Variants in SLC6A8 observed in about 807,000 individuals in gnomAD.
SLC6A8 encodes sodium- and chloride-dependent creatine transporter 1.
In SLC6A8, 6 loss-of-function variants were observed where a neutral mutation model predicts 48.3. The observed-to-expected ratio is 0.12, with a 90% CI of 0.07 to 0.25. The LOEUF is 0.25. Ranked by LOEUF, SLC6A8 falls within the 10% of genes least tolerant of loss-of-function variation. The pLI, the probability that SLC6A8 is intolerant of heterozygous loss-of-function variation, is 1.00. For synonymous variants in SLC6A8, 245 were observed against 244.0 expected (o/e 1.00, Z -0.04); for missense variants, 260 against 551.5 (o/e 0.47, Z 5.29).
At position 153,688,031 on chromosome X, in the gene SLC6A8, A is replaced by AGCCGCC. The variant is rs1165430998; in HGVS notation, c.-531_-526dup. On this transcript the variant is annotated 5_prime_UTR_variant, in exon 1 of 13. Coordinates refer to ENST00000253122, the MANE Select transcript of SLC6A8 (RefSeq NM_005629.4). ...GGAAGGAGAGGGCGAGGCGCGCCCGAGCCGCCGCCGCCGCCGCCACCGCCG... is the reference window on the plus strand; with the variant it reads ...GGAAGGAGAGGGCGAGGCGCGCCCGAGCCGCCGCCGCCGCCGCCGCCGCCACCGCCG... 1,536 of 101,203 alleles carry AGCCGCC rather than the reference A, an allele frequency of 0.015. 29 individuals are homozygous for AGCCGCC. The highest frequency in any genetic ancestry group is 0.052 in the African/African-American group (1,415 of 27,216). The allele number at this position is 101,203 out of a possible 1,213,427, so 8.3% of individuals were successfully genotyped here.
In SLC6A8 at chrX:153,696,425, A is replaced by T; in HGVS notation, c.*1211A>T. The T allele has an allele frequency of 3.0e-6, 1 of 331,506 alleles. No homozygotes were observed. Among genetic ancestry groups the T allele is most frequent in the Non-Finnish European group, 5.9e-6 (1 of 170,040 alleles). 27.3% of individuals were successfully genotyped at this position (331,506 alleles called of 1,213,427 possible). On this transcript the variant is annotated 3_prime_UTR_variant, in exon 13 of 13. Transcript: ENST00000253122. Reference sequence around the variant, plus strand: ...CAGCTTTAACCCACGTTTGTCTGTCACGTCCAGTCCCGAGACGGCTGAGTG... The same window carrying T: ...CAGCTTTAACCCACGTTTGTCTGTCTCGTCCAGTCCCGAGACGGCTGAGTG...
At chrX:153,694,672 G>A (rs1557045620) in intron 11 of SLC6A8, 39 bp downstream of exon 11, 1 of 1,176,081 alleles carries the variant, frequency 8.5e-7, no homozygotes, top group Admixed American at 2.2e-5. Context: ...GGGGGGCGAG[G>A]CAGGGCGGGG....
Position 153,694,937 on chromosome X carries a change from C to T in SLC6A8, c.1767+48C>T, listed in dbSNP as rs2091481097. The T allele has an allele frequency of 6.7e-6, 5 of 749,290 alleles. No homozygotes were observed. In the East Asian group the frequency reaches 4.0e-4, roughly 60 times the overall value. The allele number at this position is 749,290 out of a possible 1,213,427, so 61.7% of individuals were successfully genotyped here. On this transcript the variant is annotated intron_variant, in intron 12 of 12. Transcript: ENST00000253122. ...CCTCCCCTCCCCTGCTGTGAACATT[C>T]AACCCAGCCTGCTTCCTAGCCAGGG...
intron 2 of SLC6A8, chrX:153,690,989 T>A (rs2091453381): frequency 3.7e-6 from 1 of 271,744 alleles, no homozygotes; most frequent in African/African-American, 3.0e-5. Flanking sequence ...ACCGCCATGG[T>A]GGCAGTGGGA....
chrX:153,694,061 G>A, intron 8 of SLC6A8, 44 bp downstream of exon 8: 1 of 1,197,522 alleles, frequency 8.4e-7, no homozygotes, highest in Admixed American at 2.2e-5. Context: ...GGGGGGCGGA[G>A]GGAGGGCTGC....
rs1557045746 is a variant in SLC6A8 at position 153,694,896 on chromosome X, C to G, written c.1767+7C>G. 8.6e-7 allele frequency: 1 copy of G among 1,164,267 alleles called. No homozygotes were observed. The highest frequency in any genetic ancestry group is 1.8e-5 in the African/African-American group (1 of 56,295). ...CAAGGGCACCATGGCTGAGGTAAGGCTCCCGCCCGGCCCGCCCTCCCCTCC... is the reference window on the plus strand; with the variant it reads ...CAAGGGCACCATGGCTGAGGTAAGGGTCCCGCCCGGCCCGCCCTCCCCTCC... On this transcript the variant is annotated splice_region_variant and intron_variant, in intron 12 of 12. Transcript: ENST00000253122.
chrX:153,692,762 G>A (rs1557044810), intron 4 of SLC6A8: 12 of 440,108 alleles, frequency 2.7e-5, no homozygotes, highest in South Asian at 1.3e-4. Context: ...CGTGCTCCAC[G>A]CCTCCTGTCC....
rs782772163 is a variant in SLC6A8 at position 153,694,106 on chromosome X, C to T, written c.1255-24C>T. Reference sequence around the variant, plus strand: ...AAGGGGTGGAGGGCGGTGCGGGGCTCGGCCTGAGCTGCCCTGGCCACAGTT... The same window carrying T: ...AAGGGGTGGAGGGCGGTGCGGGGCTTGGCCTGAGCTGCCCTGGCCACAGTT... On this transcript the variant is annotated intron_variant, in intron 8 of 12. Transcript: ENST00000253122. 14 of 1,206,940 alleles carry T rather than the reference C, an allele frequency of 1.2e-5. No homozygotes were observed. In the African/African-American group the frequency reaches 1.4e-4, roughly 12 times the overall value.
intron 7 of SLC6A8, 139 bp downstream of exon 7, chrX:153,693,725 G>C: frequency 1.2e-6 from 1 of 859,607 alleles, no homozygotes; most frequent in Non-Finnish European, 1.7e-6. Flanking sequence ...TGTGGGGGCA[G>C]GTCCTGGGAT....
At position 153,696,195 on chromosome X, in the gene SLC6A8, G is replaced by A. The variant is rs1437208585; in HGVS notation, c.*981G>A. The A allele has an allele frequency of 2.8e-5, 7 of 252,982 alleles. No individual in the cohort carries two copies. Among genetic ancestry groups the A allele is most frequent in the East Asian group, 2.2e-4 (2 of 8,983 alleles). 20.8% of individuals were successfully genotyped at this position (252,982 alleles called of 1,213,427 possible). On this transcript the variant is annotated 3_prime_UTR_variant, in exon 13 of 13. Coordinates refer to ENST00000253122, the MANE Select transcript of SLC6A8 (RefSeq NM_005629.4). The stretch of plus-strand genomic sequence containing the variant: ...TGGAAAAGTGCATGGTGGGGGCCTC[G>A]GGGCTGTCCCCACGCTGTCCCTTTG...
intron 10 of SLC6A8, 31 bp downstream of exon 10, chrX:153,694,477 A>T (rs782285807): frequency 1.7e-6 from 2 of 1,185,736 alleles, no homozygotes; most frequent in Admixed American, 4.4e-5. Flanking sequence ...GGGCTGGGGG[A>T]TGGTGGCGGG....
Position 153,694,771 on chromosome X carries a change from C to G in SLC6A8, c.1649C>G (p.Thr550Ser), listed in dbSNP as rs199635059. 3.3e-4 allele frequency: 394 copies of G among 1,209,195 alleles called. 2 individuals carry two copies. The Middle Eastern group carries it at 8.0e-3, about 25-fold the overall frequency. ...VYYEPLVYNN[T>S]YVYPWWGEAM... is the part of the protein sequence containing the mutation. ...TACGAGCCGCTGGTCTACAACAACACCTACGTGTACCCGTGGTGGGGTGAG... is the reference window on the plus strand; with the variant it reads ...TACGAGCCGCTGGTCTACAACAACAGCTACGTGTACCCGTGGTGGGGTGAG... Residue 550 changes from threonine (T) to serine (S), a missense_variant, in exon 12 of 13, where the codon ACC becomes AGC. Around this residue, in one of 7 missense-constraint regions of SLC6A8, gnomAD observed 87 missense variants for 120.9 expected, o/e 0.72. Transcript: ENST00000253122.
At position 153,694,743 on chromosome X, in the gene SLC6A8, T is replaced by C; in HGVS notation, c.1621T>C (p.Tyr541His). Residue 541 changes from tyrosine to histidine, a missense_variant, in exon 12 of 13, where the codon TAC (tyrosine) becomes CAC (histidine). Physicochemically the swap from Tyr to His is moderately conservative, Grantham distance 83. Coordinates refer to ENST00000253122, the MANE Select transcript of SLC6A8 (RefSeq NM_005629.4). ...CMGIFIFNVV[Y>H]YEPLVYNNTY... ...GGGCATCTTCATCTTCAACGTTGTG[T>C]ACTACGAGCCGCTGGTCTACAACAA... 1 of 1,210,864 alleles carries C rather than the reference T, an allele frequency of 8.3e-7. No homozygotes were observed. Among genetic ancestry groups the C allele is most frequent in the East Asian group, 3.0e-5 (1 of 33,831 alleles).
In SLC6A8 at chrX:153,694,424, C is replaced by T. The variant is rs122453118; in HGVS notation, c.1473C>T (p.Cys491=). 1.7e-4 allele frequency: 201 copies of T among 1,206,143 alleles called. No homozygotes were observed. The highest frequency in any genetic ancestry group is 2.3e-4 in the Middle Eastern group (1 of 4,345). The part of the protein sequence containing the change: ...TTLLWQAFWE[C]VVVAWVYGAD... Reference sequence around the variant, plus strand: ...TGCTCTGGCAGGCCTTTTGGGAGTGCGTGGTGGTGGCCTGGGTGTACGGTA... The same window carrying T: ...TGCTCTGGCAGGCCTTTTGGGAGTGTGTGGTGGTGGCCTGGGTGTACGGTA... The change falls in exon 10 of 13, where the codon TGC becomes TGT. Residue 491 remains cysteine (C), a synonymous_variant. Transcript: ENST00000253122.
In SLC6A8 at chrX:153,688,660, G is replaced by T; in HGVS notation, c.86G>T (p.Gly29Val). 1 of 1,083,338 alleles carries T rather than the reference G, an allele frequency of 9.2e-7. No homozygotes were observed. Among genetic ancestry groups the T allele is most frequent in the Non-Finnish European group, 1.2e-6 (1 of 829,861 alleles). 89.3% of individuals were successfully genotyped at this position (1,083,338 alleles called of 1,213,427 possible). A position where few individuals can be genotyped will look rare whatever the true frequency, so the allele number is the denominator to read the frequency against. Residue 29 changes from glycine to valine, a missense_variant, in exon 1 of 13, where the codon GGG becomes GTG. Physicochemically the swap from Gly to Val is moderately radical, Grantham distance 109 (BLOSUM62 -3). Around this residue, in one of 7 missense-constraint regions of SLC6A8, gnomAD observed 50 missense variants for 55.1 expected, o/e 0.91. Transcript: ENST00000253122. ...KGPLIAPGPDGAPAKGDGPVG... is the reference protein window; with the variant it reads ...KGPLIAPGPDVAPAKGDGPVG... The stretch of plus-strand genomic sequence containing the variant: ...CCCCTCATCGCGCCCGGGCCCGACG[G>T]GGCCCCGGCCAAGGGCGACGGCCCC...
rs781834204 is a variant in SLC6A8 at position 153,694,879 on chromosome X, C to G, written c.1757C>G (p.Thr586Ser). ...GGCTGCCTCCTCAGGGCCAAGGGCACCATGGCTGAGGTAAGGCTCCCGCCC... is the reference window on the plus strand; with the variant it reads ...GGCTGCCTCCTCAGGGCCAAGGGCAGCATGGCTGAGGTAAGGCTCCCGCCC... Reference protein sequence around the residue: ...LLGCLLRAKGTMAERWQHLTQ... With the variant: ...LLGCLLRAKGSMAERWQHLTQ... The change falls in exon 12 of 13, where the codon ACC (threonine) becomes AGC (serine). Residue 586 changes from threonine to serine, a missense_variant. Coordinates refer to ENST00000253122, the MANE Select transcript of SLC6A8 (RefSeq NM_005629.4). 8.4e-7 allele frequency: 1 copy of G among 1,195,576 alleles called. No individual in the cohort carries two copies. Among genetic ancestry groups the G allele is most frequent in the South Asian group, 1.8e-5 (1 of 55,247 alleles).
chrX:153,689,498 G>T, intron 1 of SLC6A8: 1 of 739,986 alleles, frequency 1.4e-6, no homozygotes, highest in African/African-American at 2.3e-5. Flanking sequence ...CAGCACTGGG[G>T]TTGCTGGAAG....
At chrX:153,693,631 C>T (rs374119438) in intron 7 of SLC6A8, 45 bp downstream of exon 7, 236 of 1,169,971 alleles carry the variant, frequency 2.0e-4, no homozygotes, top group Non-Finnish European at 2.7e-4. Context: ...GCGAGTGCTA[C>T]CCAGATGCAT....
At position 153,690,945 on chromosome X, in the gene SLC6A8, C is replaced by T. The variant is rs1452559163; in HGVS notation, c.395-359C>T. On this transcript the variant is annotated intron_variant, in intron 2 of 12. Transcript: ENST00000253122. ...ACCAGCTGCTGAGGACTGGAGGCTA[C>T]TGGGTGGCCAGGCAGAGGCTTGGAC... 4 of 256,749 alleles carry T rather than the reference C, an allele frequency of 1.6e-5. 1 individual carries two copies. In the South Asian group the frequency reaches 1.6e-4, roughly 11 times the overall value. 21.2% of individuals were successfully genotyped at this position (256,749 alleles called of 1,213,427 possible).
Sources: gnomAD v4.1 joint callset for allele counts on GRCh38, gnomAD v4.1.1 for gene constraint, gnomAD v4.1.1 regional missense constraint, MANE v1.5 for transcripts, NCBI Gene and HGNC (gene_info 2026-07-23, HGNC 2026-07-21) for gene names.